KCNH1: variants seen among roughly 807,000 people sequenced by gnomAD.
The protein encoded by KCNH1 is potassium voltage-gated channel subfamily H member 1.
A neutral mutation model predicts 69.2 loss-of-function variants in KCNH1; 27 were observed. That is an observed-to-expected ratio of 0.39 (90% CI 0.29 to 0.54). The LOEUF (loss-of-function observed/expected upper bound fraction) is 0.54. KCNH1 is among the 20% of genes least tolerant of loss of function. The pLI is 0.68. For missense variants in KCNH1, 798 were observed against 1,261.6 expected (o/e 0.63, Z 5.57); for synonymous variants, 456 against 487.7 (o/e 0.93, Z 0.86).
chr1:210,862,336 AGCACTACTCACT>A, intron 7 of KCNH1: 1 of 709,656 alleles, frequency 1.4e-6, no homozygotes, highest in Non-Finnish European at 2.6e-6. Context: ...GGCCAGGAAT[AGCACTACTCACT>A]GCACACATGG....
At chr1:211,113,381 G>T (rs1691507682) in intron 1 of KCNH1, among the ~76,000 whole-genome samples, 1 of 152,146 alleles carries the variant, frequency 6.6e-6, no homozygotes, top group Non-Finnish European at 1.5e-5. Flanking sequence ...GATATACAAT[G>T]ATGCCCTCTG....
chr1:210,973,303 C>G (rs1011298649), intron 6 of KCNH1, among the ~76,000 whole-genome samples: 6 of 152,034 alleles, frequency 3.9e-5, no homozygotes, highest in African/African-American at 1.4e-4. Context: ...GCATATACAG[C>G]CCCTAGACCC....
intron 6 of KCNH1, among the ~76,000 whole-genome samples, chr1:210,978,460 C>CTTT (rs542650791): frequency 6.6e-6 from 1 of 151,990 alleles, no homozygotes; most frequent in Non-Finnish European, 1.5e-5. Flanking sequence ...CGATTGACTG[C>CTTT]TTTTTTTTCC....
At chr1:210,874,543 CAAAT>C (rs1259242379) in intron 7 of KCNH1, among the ~76,000 whole-genome samples, 1 of 152,134 alleles carries the variant, frequency 6.6e-6, no homozygotes, top group Non-Finnish European at 1.5e-5. Context: ...GCACTATTCA[CAAAT>C]AGTGAATACC....
At chr1:211,095,588 A>G (rs368303095) in intron 3 of KCNH1, among the ~76,000 whole-genome samples, 66 of 152,320 alleles carry the variant, frequency 4.3e-4, no homozygotes, top group African/African-American at 1.1e-3. Flanking sequence ...GCCTCCATCA[A>G]TCTTTTTTCT....
At chr1:210,913,070 G>A (rs901526734) in intron 7 of KCNH1, among the ~76,000 whole-genome samples, 11 of 152,254 alleles carry the variant, frequency 7.2e-5, no homozygotes, top group Admixed American at 1.3e-4. Flanking sequence ...TTTTCTGGAG[G>A]AGGGGAGAAA....
intron 6 of KCNH1, among the ~76,000 whole-genome samples, chr1:211,000,239 T>G (rs61850223): frequency 6.6e-6 from 1 of 152,150 alleles, no homozygotes; most frequent in East Asian, 1.9e-4. Flanking sequence ...TTTGCAGATG[T>G]CATGATTGTA....
chr1:210,740,703 AAT>A lies in KCNH1; in HGVS notation c.2112+34643_2112+34644del, dbSNP rs1491299121. On this transcript the variant is annotated intron_variant, in intron 10 of 10. Coordinates refer to ENST00000271751, the MANE Select transcript of KCNH1 (RefSeq NM_172362.3). Reference sequence around the variant, plus strand: ...AGTCTCTGATTAAATTTTATGATTAAATTTTTTTTTTTTTTTTTTTTTTTTTT... The same window carrying A: ...AGTCTCTGATTAAATTTTATGATTAATTTTTTTTTTTTTTTTTTTTTTTTT... 1.9e-3 allele frequency among the ~76,000 whole-genome samples: 254 copies of A among 135,600 alleles called. 3 individuals carry two copies. Among genetic ancestry groups the A allele is most frequent in the African/African-American group, 7.5e-3 (236 of 31,576 alleles). The allele number at this position is 135,600 out of a possible 152,430, so 89.0% of individuals were successfully genotyped here. A position where few individuals can be genotyped will look rare whatever the true frequency, so the allele number is the denominator to read the frequency against.
intron 6 of KCNH1, among the ~76,000 whole-genome samples, chr1:211,011,864 A>C (rs1558567243): frequency 1.3e-5 from 2 of 152,226 alleles, no homozygotes; most frequent in Non-Finnish European, 2.9e-5. Flanking sequence ...CACTGTGAGC[A>C]CAAGTCAGGA....
In KCNH1 at chr1:210,806,768, G is replaced by C. The variant is rs1307378008; in HGVS notation, c.1463-2602C>G. On this transcript the variant is annotated intron_variant, in intron 7 of 10. Transcript: ENST00000271751. Reference sequence around the variant, plus strand: ...GCGGATCACCTGAGGTCAGGAGTTCGAGACCAGCCTGGCCAATATGGTGAA... The same window carrying C: ...GCGGATCACCTGAGGTCAGGAGTTCCAGACCAGCCTGGCCAATATGGTGAA... Among the ~76,000 whole-genome samples, 3 of 137,144 alleles carry C rather than the reference G, an allele frequency of 2.2e-5. No homozygotes were observed. In the Admixed American group the frequency reaches 2.2e-4, roughly 10 times the overall value. The allele number at this position is 137,144 out of a possible 152,430, so 90.0% of individuals were successfully genotyped here.
intron 6 of KCNH1, among the ~76,000 whole-genome samples, chr1:210,936,164 A>G (rs1687771539): frequency 6.6e-6 from 1 of 152,202 alleles, no homozygotes; most frequent in Non-Finnish European, 1.5e-5. Context: ...ATCCATAGCA[A>G]ATTCTGCAGG....
chr1:210,711,871 G>A (rs983699740), intron 10 of KCNH1, among the ~76,000 whole-genome samples: 2 of 152,182 alleles, frequency 1.3e-5, no homozygotes, highest in African/African-American at 4.8e-5. Context: ...GGGAACTTGT[G>A]GCTCTCAGAG....
chr1:210,956,475 T>C (rs1215245284), intron 6 of KCNH1, among the ~76,000 whole-genome samples: 3 of 152,028 alleles, frequency 2.0e-5, no homozygotes, highest in Non-Finnish European at 2.9e-5. Context: ...TCAGAAGGAA[T>C]GGTACAAGCT....
At chr1:210,910,540 A>T (rs1418946193) in intron 7 of KCNH1, among the ~76,000 whole-genome samples, 1 of 152,242 alleles carries the variant, frequency 6.6e-6, no homozygotes, top group African/African-American at 2.4e-5. Flanking sequence ...TCCCTGCACC[A>T]GTGCCCTGTT....
chr1:210,891,230 G>A (rs1201270068), intron 7 of KCNH1, among the ~76,000 whole-genome samples: 1 of 152,182 alleles, frequency 6.6e-6, no homozygotes, highest in African/African-American at 2.4e-5. Context: ...ATGAGTTCAT[G>A]TCCTTTGTAG....
intron 8 of KCNH1, among the ~76,000 whole-genome samples, chr1:210,803,186 T>C (rs1386981831): frequency 1.3e-5 from 2 of 152,208 alleles, no homozygotes; most frequent in Non-Finnish European, 2.9e-5. Flanking sequence ...CGCTGCAGCC[T>C]CTGCCTCCTG....
rs138915126 is a variant in KCNH1 at position 210,959,880 on chromosome 1, C to T, written c.1033-39811G>A. 3.2e-4 allele frequency among the ~76,000 whole-genome samples: 49 copies of T among 152,324 alleles called. No homozygotes were observed. The East Asian group carries it at 7.9e-3, about 25-fold the overall frequency. On this transcript the variant is annotated intron_variant, in intron 6 of 10. Transcript: ENST00000271751. ...GCACTTCCCAGGTGAGGCAATGCCCCGCCCTGCTTCAGCTCGCCCTCCATG... is the reference window on the plus strand; with the variant it reads ...GCACTTCCCAGGTGAGGCAATGCCCTGCCCTGCTTCAGCTCGCCCTCCATG...
At chr1:211,095,514 G>A (rs1344815946) in intron 3 of KCNH1, among the ~76,000 whole-genome samples, 2 of 152,178 alleles carry the variant, frequency 1.3e-5, no homozygotes, top group Non-Finnish European at 2.9e-5. Context: ...CTGGCTTTGA[G>A]GTTCCTCAGC....
chr1:210,726,880 C>T (rs1682609708), intron 10 of KCNH1, among the ~76,000 whole-genome samples: 1 of 152,140 alleles, frequency 6.6e-6, no homozygotes, highest in African/African-American at 2.4e-5. Context: ...TGCCTGCTTA[C>T]TCAACCCTCA....
Sources: allele counts gnomAD v4.1 joint callset (sites outside exome capture counted in the v4.1 genomes callset), GRCh38; gene constraint gnomAD v4.1.1; transcripts MANE v1.5; gene names NCBI Gene and HGNC (gene_info 2026-07-23, HGNC 2026-07-21).